Variants in DNMBP observed in about 807,000 individuals in gnomAD.
The protein encoded by DNMBP is dynamin binding protein.
Under a neutral mutation model 150.0 loss-of-function variants are expected in DNMBP, and 87 were observed. That is an observed-to-expected ratio of 0.58 (90% CI 0.49 to 0.69). DNMBP has a LOEUF of 0.69. Among genes scored for constraint, DNMBP ranks in the 30% least tolerant of loss-of-function variants. The probability of loss-of-function intolerance (pLI) is 0.00; values close to 1 mark genes in which losing one functional copy is unlikely to be tolerated. For missense variants in DNMBP, 1,774 were observed against 1,949.0 expected (o/e 0.91, Z 1.69); for synonymous variants, 711 against 750.4 (o/e 0.95, Z 0.86).
chr10:99,912,295 T>A (rs923398972), intron 4 of DNMBP, among the ~76,000 whole-genome samples: 2 of 152,116 alleles, frequency 1.3e-5, no homozygotes, highest in African/African-American at 4.8e-5. Context: ...TCTTAAAAAC[T>A]CCCTGGAAAC....
chr10:99,879,860 G>A lies in DNMBP; in HGVS notation c.4499C>T (p.Pro1500Leu), dbSNP rs763388534. ...VKGCARTAQA[P>L]EDRSTEPDGS... ...ATCTGGCTCTGTACTTCTGTCTTCC[G>A]GAGCCTGGGCTGTTCTTGCACATCC... The change falls in exon 16 of 17, where the codon CCG becomes CTG. Residue 1500 changes from proline (P) to leucine (L), a missense_variant. Around this residue, in one of 2 missense-constraint regions of DNMBP, gnomAD observed 1,430 missense variants for 1,492.5 expected, o/e 0.96. Transcript: ENST00000324109. The A allele has an allele frequency of 6.8e-6, 11 of 1,614,218 alleles. No individual in the cohort carries two copies. The highest frequency in any genetic ancestry group is 6.7e-5 in the East Asian group (3 of 44,892).
chr10:100,000,809 G>C (rs904274029), intron 1 of DNMBP, among the ~76,000 whole-genome samples: 1 of 143,438 alleles, frequency 7.0e-6, no homozygotes, highest in African/African-American at 2.5e-5. Context: ...TTCTCCTTGA[G>C]GAATTGGGAA....
intron 1 of DNMBP, among the ~76,000 whole-genome samples, chr10:100,009,593 C>A (rs1047553008): frequency 2.0e-5 from 3 of 152,178 alleles, no homozygotes; most frequent in Non-Finnish European, 2.9e-5. Flanking sequence ...CTCTGACCAC[C>A]CCTCCAACTC....
At chr10:99,891,923 G>C (rs2039572985) in intron 11 of DNMBP, among the ~76,000 whole-genome samples, 1 of 147,312 alleles carries the variant, frequency 6.8e-6, no homozygotes, top group Non-Finnish European at 1.5e-5. Context: ...AGGTGGGGGG[G>C]TCAGCCCCCT....
At chr10:99,880,450 G>A in intron 15 of DNMBP, 89 bp from the exon 16 acceptor site, 1 of 1,414,886 alleles carries the variant, frequency 7.1e-7, no homozygotes, top group Admixed American at 2.9e-5. Flanking sequence ...AACTGATCTA[G>A]GTTATTCATC....
intron 4 of DNMBP, among the ~76,000 whole-genome samples, chr10:99,939,192 T>G (rs1564739164): frequency 6.6e-6 from 1 of 152,180 alleles, no homozygotes. Flanking sequence ...CCCATGTTGT[T>G]GCTCCACTGA....
intron 4 of DNMBP, among the ~76,000 whole-genome samples, chr10:99,917,757 A>C (rs1443592453): frequency 6.6e-6 from 1 of 152,024 alleles, no homozygotes; most frequent in East Asian, 1.9e-4. Context: ...CGAGGTCAGG[A>C]GTTCGAGACC....
chr10:99,956,245 T>C lies in DNMBP; in HGVS notation c.1229A>G (p.Asn410Ser), dbSNP rs767785018. Reference protein sequence around the residue: ...SPTSDPTEVVNGISSQPQVPF... With the variant: ...SPTSDPTEVVSGISSQPQVPF... ...GACCTGAGGTTGGGAGGAAATACCA[T>C]TGACTACTTCTGTAGGGTCAGATGT... Residue 410 changes from asparagine to serine, a missense_variant, in exon 4 of 17, where the codon AAT (asparagine) becomes AGT (serine). Asn to Ser is a conservative substitution (Grantham distance 46). Coordinates refer to ENST00000324109, the MANE Select transcript of DNMBP (RefSeq NM_015221.4). 2.9e-5 allele frequency: 46 copies of C among 1,613,690 alleles called. No homozygotes were observed. Among genetic ancestry groups the C allele is most frequent in the African/African-American group, 8.0e-5 (6 of 74,788 alleles).
intron 4 of DNMBP, among the ~76,000 whole-genome samples, chr10:99,935,160 A>T (rs892013863): frequency 4.6e-5 from 7 of 151,990 alleles, no homozygotes; most frequent in Non-Finnish European, 1.0e-4. Context: ...ATTAGAAGAA[A>T]AAAGGAAATG....
At chr10:99,980,124 T>C (rs2133364498) in intron 1 of DNMBP, among the ~76,000 whole-genome samples, 1 of 152,296 alleles carries the variant, frequency 6.6e-6, no homozygotes, top group South Asian at 2.1e-4. Context: ...AGTAAATGTA[T>C]CAGAGAAAAC....
intron 11 of DNMBP, among the ~76,000 whole-genome samples, chr10:99,892,406 T>C (rs534961417): frequency 7.1e-6 from 1 of 140,602 alleles, no homozygotes; most frequent in Non-Finnish European, 1.5e-5. Context: ...CATTTTGTTC[T>C]GCACTAAGAA....
chr10:99,964,886 ATAT>A (rs1484471051), intron 3 of DNMBP, among the ~76,000 whole-genome samples: 3,128 of 78,220 alleles, frequency 0.04, 91 homozygotes, highest in African/African-American at 0.13. Context: ...AAAAAAAAAA[ATAT>A]ATATATATAT....
chr10:99,954,777 G>T (rs1162056151), intron 4 of DNMBP, among the ~76,000 whole-genome samples: 1 of 148,608 alleles, frequency 6.7e-6, no homozygotes, highest in East Asian at 2.0e-4. Flanking sequence ...GAGGCCGGGC[G>T]TGGTGGCTCA....
intron 12 of DNMBP, among the ~76,000 whole-genome samples, chr10:99,887,257 T>C (rs974555713): frequency 2.0e-5 from 3 of 152,104 alleles, no homozygotes; most frequent in African/African-American, 7.2e-5. Flanking sequence ...TTCTCTTGGT[T>C]GGGAACGGTG....
rs141646596 is a variant in DNMBP at position 99,880,258 on chromosome 10, G to A, written c.4101C>T (p.His1367=). The A allele has an allele frequency of 1.2e-3, 1,891 of 1,614,102 alleles. 1 individual carries two copies. Among genetic ancestry groups the A allele is most frequent in the Admixed American group, 2.6e-3 (156 of 60,016 alleles). Reference sequence around the variant, plus strand: ...GTGGGAACCTGGGGGAGGAGCTGCCGTGCTCAGACTCTGTGGAGGAGTGGC... The same window carrying A: ...GTGGGAACCTGGGGGAGGAGCTGCCATGCTCAGACTCTGTGGAGGAGTGGC... ...VGSHSSTESE[H]GSSSPRFPRQ... The change falls in exon 16 of 17, where the codon CAC becomes CAT. Residue 1367 remains histidine, a synonymous_variant. Coordinates refer to ENST00000324109, the MANE Select transcript of DNMBP (RefSeq NM_015221.4).
At chr10:99,976,173 T>C (rs978596046) in intron 1 of DNMBP, among the ~76,000 whole-genome samples, 2 of 152,200 alleles carry the variant, frequency 1.3e-5, no homozygotes, top group African/African-American at 2.4e-5. Flanking sequence ...ATTTCCATAA[T>C]CAACTGCAAG....
Position 99,879,714 on chromosome 10 carries a change from T to C in DNMBP, c.4548+97A>G, listed in dbSNP as rs1198174066. On this transcript the variant is annotated intron_variant, in intron 16 of 16. Transcript: ENST00000324109. ...CTGTGAGCTCATCTCAGATCACCCC[T>C]AGGCCTCAGGCAAGCCACTTCTGCC... is the stretch of plus-strand genomic sequence containing the variant. 9 of 1,553,954 alleles carry C rather than the reference T, an allele frequency of 5.8e-6. No individual in the cohort carries two copies. The African/African-American group carries it at 1.2e-4, about 21-fold the overall frequency.
At chr10:99,946,783 A>T (rs961322629) in intron 4 of DNMBP, among the ~76,000 whole-genome samples, 25 of 152,328 alleles carry the variant, frequency 1.6e-4, no homozygotes, top group African/African-American at 6.0e-4. Context: ...CTATCAACAG[A>T]GTAAACAGAC....
intron 9 of DNMBP, among the ~76,000 whole-genome samples, chr10:99,897,080 TGATTTTA>T (rs377484206): frequency 7.0e-4 from 106 of 152,202 alleles, no homozygotes; most frequent in African/African-American, 2.1e-3. Flanking sequence ...GGCAGAGAAA[TGATTTTA>T]GATAACTTTA....
Sources: allele counts gnomAD v4.1 joint callset (sites outside exome capture counted in the v4.1 genomes callset), GRCh38; gene constraint gnomAD v4.1.1; regional missense constraint gnomAD v4.1.1; transcripts MANE v1.5; gene names NCBI Gene and HGNC (gene_info 2026-07-23, HGNC 2026-07-21).